Variants in CAPN5 observed in about 807,000 individuals in gnomAD.
CAPN5 encodes the protein calpain-5.
CAPN5 carries 54 observed loss-of-function variants against 73.0 expected under a neutral mutation model. The observed-to-expected ratio is 0.74, with a 90% CI of 0.59 to 0.93. The LOEUF (loss-of-function observed/expected upper bound fraction) is 0.93. CAPN5 is among the 40% of genes least tolerant of loss of function. The probability of loss-of-function intolerance (pLI) is 0.00; values close to 1 mark genes in which losing one functional copy is unlikely to be tolerated. For missense variants in CAPN5, 785 were observed against 882.9 expected, an observed-to-expected ratio of 0.89 and a Z score of 1.41; for synonymous variants, 335 against 356.9, an observed-to-expected ratio of 0.94 and a Z score of 0.69.
Position 77,110,879 on chromosome 11 carries a change from G to A in CAPN5, c.298-1710G>A, listed in dbSNP as rs11237093. On this transcript the variant is annotated intron_variant, in intron 3 of 12. Transcript: ENST00000648180. ...AAGTCTGTACACTCAGGTGAGTGCC[G>A]GCCTCCTGGTGTGCCTCTGGTTCCT... is the stretch of plus-strand genomic sequence containing the variant. Among the ~76,000 whole-genome samples, 1,014 of 152,274 alleles carry A rather than the reference G, an allele frequency of 6.7e-3. 6 individuals carry two copies. The highest frequency in any genetic ancestry group is 0.011 in the Non-Finnish European group (715 of 68,032).
chr11:77,074,644 G>A (rs1949948791), intron 1 of CAPN5, among the ~76,000 whole-genome samples: 2 of 152,186 alleles, frequency 1.3e-5, no homozygotes, highest in Non-Finnish European at 2.9e-5. Flanking sequence ...AGGTGGTGGT[G>A]GGGGGTGTCT....
intron 1 of CAPN5, among the ~76,000 whole-genome samples, chr11:77,077,514 G>T (rs200503562): frequency 0.15 from 21,942 of 151,314 alleles, 3,092 homozygotes; most frequent in African/African-American, 0.37. Flanking sequence ...GATTAGTGAT[G>T]TTGAGCTTTT....
Position 77,125,890 on chromosome 11 carries a change from G to C in CAPN5, c.*2020G>C, listed in dbSNP as rs1463166846. The C allele has an allele frequency of 6.6e-6, 1 of 152,434 alleles. No individual in the cohort carries two copies. The highest frequency in any genetic ancestry group is 2.4e-5 in the African/African-American group (1 of 41,424). 9.4% of individuals were successfully genotyped at this position (152,434 alleles called of 1,614,324 possible). ...CCTTGCTTCCTGCCCCTTGAGGTGG[G>C]CCAGGCTGGCTCCTGGCTATGCAGG... is the stretch of plus-strand genomic sequence containing the variant. On this transcript the variant is annotated 3_prime_UTR_variant, in exon 13 of 13. Transcript: ENST00000648180.
chr11:77,108,557 T>C (rs544580512), intron 3 of CAPN5, among the ~76,000 whole-genome samples: 3 of 152,156 alleles, frequency 2.0e-5, no homozygotes, highest in Non-Finnish European at 4.4e-5. Context: ...GAATTTCTAC[T>C]GTAGACAGCG....
intron 1 of CAPN5, among the ~76,000 whole-genome samples, chr11:77,070,167 G>C (rs1284760992): frequency 1.3e-5 from 2 of 152,322 alleles, no homozygotes; most frequent in Admixed American, 1.3e-4. Flanking sequence ...CCCAGGGATA[G>C]GGGTCTGGGT....
intron 1 of CAPN5, among the ~76,000 whole-genome samples, chr11:77,073,731 T>C (rs1555033525): frequency 1.3e-5 from 2 of 152,150 alleles, no homozygotes; most frequent in African/African-American, 4.8e-5. Flanking sequence ...GAGAATGGAT[T>C]GGACACAGAA....
intron 9 of CAPN5, 191 bp from the exon 10 acceptor site, chr11:77,120,522 T>G: frequency 2.0e-6 from 1 of 498,706 alleles, no homozygotes; most frequent in South Asian, 4.0e-5. Context: ...CCACCACCCA[T>G]TCCCATTGAC....
chr11:77,111,436 A>T (rs1389153522), intron 3 of CAPN5, among the ~76,000 whole-genome samples: 1 of 152,196 alleles, frequency 6.6e-6, no homozygotes, highest in African/African-American at 2.4e-5. Flanking sequence ...TCTGGGCCAC[A>T]GTATTGTCAT....
At chr11:77,108,435 G>A (rs1302351848) in intron 3 of CAPN5, among the ~76,000 whole-genome samples, 5 of 152,188 alleles carry the variant, frequency 3.3e-5, no homozygotes, top group African/African-American at 1.2e-4. Context: ...GGCTTGAAGT[G>A]GCATGGGTGT....
chr11:77,083,257 G>C (rs1408419436), intron 1 of CAPN5, among the ~76,000 whole-genome samples: 1 of 152,194 alleles, frequency 6.6e-6, no homozygotes, highest in Non-Finnish European at 1.5e-5. Flanking sequence ...GGCAGGTGGG[G>C]GGACAATGGC....
At chr11:77,100,527 C>T (rs1179003636) in intron 3 of CAPN5, among the ~76,000 whole-genome samples, 1 of 152,164 alleles carries the variant, frequency 6.6e-6, no homozygotes, top group Non-Finnish European at 1.5e-5. Flanking sequence ...GGGTCTTGTG[C>T]CCCTAAATCC....
chr11:77,098,105 C>A (rs1950233218), intron 3 of CAPN5, among the ~76,000 whole-genome samples: 1 of 81,018 alleles, frequency 1.2e-5, no homozygotes, highest in African/African-American at 7.3e-5. Context: ...GGGGGCTGAC[C>A]CCCCCACCTC....
In CAPN5 at chr11:77,124,370, T is replaced by C; in HGVS notation, c.*500T>C. On this transcript the variant is annotated 3_prime_UTR_variant, in exon 13 of 13. Transcript: ENST00000648180. ...TGCTCAGGCTGGAATTGGGAAAATATGCAGGTGACATTTGTTCATTCTCTA... is the reference window on the plus strand; with the variant it reads ...TGCTCAGGCTGGAATTGGGAAAATACGCAGGTGACATTTGTTCATTCTCTA... The C allele has an allele frequency of 6.2e-6, 1 of 160,084 alleles. No homozygotes were observed. The highest frequency in any genetic ancestry group is 1.8e-4 in the South Asian group (1 of 5,408). The allele number at this position is 160,084 out of a possible 1,614,324, so 9.9% of individuals were successfully genotyped here.
At chr11:77,077,648 G>A (rs1341941216) in intron 1 of CAPN5, among the ~76,000 whole-genome samples, 1 of 151,900 alleles carries the variant, frequency 6.6e-6, no homozygotes, top group African/African-American at 2.4e-5. Context: ...TTCTGCCTCA[G>A]CCTCCTGAGT....
intron 1 of CAPN5, among the ~76,000 whole-genome samples, chr11:77,076,014 G>A (rs1290639450): frequency 2.0e-5 from 3 of 152,068 alleles, no homozygotes; most frequent in Non-Finnish European, 2.9e-5. Flanking sequence ...TGGCTAAATC[G>A]AGTTAATTAT....
rs565916596 is a variant in CAPN5 at position 77,093,563 on chromosome 11, A to G, written c.166-119A>G. The G allele has an allele frequency of 2.5e-5, 35 of 1,418,554 alleles. No individual in the cohort carries two copies. In the African/African-American group the frequency reaches 3.8e-4, roughly 16 times the overall value. The allele number at this position is 1,418,554 out of a possible 1,614,324, so 87.9% of individuals were successfully genotyped here. On this transcript the variant is annotated intron_variant, in intron 2 of 12. Coordinates refer to ENST00000648180, the MANE Select transcript of CAPN5 (RefSeq NM_004055.5). ...TGTGGTGGGAGGCAGGTGAATCACC[A>G]TGCTGATGATCACACAGCAAGTCTG...
At chr11:77,082,824 G>A (rs1482106548) in intron 1 of CAPN5, among the ~76,000 whole-genome samples, 7 of 152,222 alleles carry the variant, frequency 4.6e-5, no homozygotes, top group Non-Finnish European at 1.0e-4. Context: ...TGTGTGCCCT[G>A]GGCGAGCTTC....
chr11:77,068,211 G>A (rs1302279946), intron 1 of CAPN5, among the ~76,000 whole-genome samples: 1 of 152,158 alleles, frequency 6.6e-6, no homozygotes, highest in Non-Finnish European at 1.5e-5. Flanking sequence ...GGGTGGGGTG[G>A]TGTGGCTGCC....
chr11:77,077,380 C>CT (rs1404978301), intron 1 of CAPN5, among the ~76,000 whole-genome samples: 3 of 151,646 alleles, frequency 2.0e-5, no homozygotes, highest in African/African-American at 7.3e-5. Context: ...TTAAAAAAGT[C>CT]TTTTTTTATA....
Sources: gnomAD v4.1 joint callset for allele counts (sites outside exome capture counted in the v4.1 genomes callset) on GRCh38, gnomAD v4.1.1 for gene constraint, MANE v1.5 for transcripts, NCBI Gene and HGNC (gene_info 2026-07-23, HGNC 2026-07-21) for gene names.